The following TACR3 variants were observed in gnomAD, a reference collection of about 807,000 sequenced individuals.
The protein encoded by TACR3 is tachykinin receptor 3.
TACR3 carries 34 observed loss-of-function variants against 35.0 expected under a neutral mutation model. The observed-to-expected ratio is 0.97, with a 90% CI of 0.74 to 1.30. TACR3 has a LOEUF of 1.30. Among genes scored for constraint, TACR3 ranks in the 50% most tolerant of loss-of-function variants. The pLI is 0.00. For missense variants in TACR3, 558 were observed against 591.7 expected (o/e 0.94, Z 0.59); for synonymous variants, 233 against 221.1 (o/e 1.05, Z -0.48).
chr4:103,613,380 C>G (rs1724555058), intron 3 of TACR3, among the ~76,000 whole-genome samples: 1 of 152,140 alleles, frequency 6.6e-6, no homozygotes, highest in Admixed American at 6.5e-5. Context: ...TTAGGGAAAA[C>G]TGCCATCTTG....
intron 3 of TACR3, among the ~76,000 whole-genome samples, chr4:103,615,555 C>T (rs1211156074): frequency 6.6e-6 from 1 of 151,938 alleles, no homozygotes; most frequent in Non-Finnish European, 1.5e-5. Flanking sequence ...AGCATATTTC[C>T]ACAAAATAAC....
rs115791640 is a variant in TACR3, at chr4:103,603,490, C to T, written c.889-11807G>A. 7.5e-3 allele frequency among the ~76,000 whole-genome samples: 1,136 copies of T among 152,302 alleles called. 17 individuals carry two copies. The highest frequency in any genetic ancestry group is 0.026 in the African/African-American group (1,080 of 41,558). The stretch of plus-strand genomic sequence containing the variant: ...AATCACCCGTCTTCTGCGTTGCTCA[C>T]GCTGGGCGAACTTATCCTTTTTTAT... On this transcript the variant is annotated intron_variant, in intron 3 of 4. Coordinates refer to ENST00000304883, the MANE Select transcript of TACR3 (RefSeq NM_001059.3).
At chr4:103,668,175 TG>T (rs1214281802) in intron 1 of TACR3, among the ~76,000 whole-genome samples, 1 of 152,164 alleles carries the variant, frequency 6.6e-6, no homozygotes. Flanking sequence ...ACCTTGGATA[TG>T]TTGTAGGTCT....
At position 103,590,125 on chromosome 4, in the gene TACR3, T is replaced by A. The variant is rs1436400691; in HGVS notation, c.1086-131A>T. 3.8e-6 allele frequency: 4 copies of A among 1,047,272 alleles called. No homozygotes were observed. In the Admixed American group the frequency reaches 6.1e-5, roughly 16 times the overall value. 64.9% of individuals were successfully genotyped at this position (1,047,272 alleles called of 1,614,324 possible). A position where few individuals can be genotyped will look rare whatever the true frequency, so the allele number is the denominator to read the frequency against. ...TTGAGTTTGGTTTTTAGCCAGACTC[T>A]TAGAATTTATGTCACAGTACTGTTG... On this transcript the variant is annotated intron_variant, in intron 4 of 4. Coordinates refer to ENST00000304883, the MANE Select transcript of TACR3 (RefSeq NM_001059.3).
chr4:103,620,277 A>T (rs1724745953), intron 3 of TACR3, among the ~76,000 whole-genome samples: 2 of 152,242 alleles, frequency 1.3e-5, no homozygotes, highest in African/African-American at 2.4e-5. Flanking sequence ...AGAAAAGGGA[A>T]CACTGTTGGG....
chr4:103,627,319 A>C (rs1724917061), intron 3 of TACR3, among the ~76,000 whole-genome samples: 1 of 143,172 alleles, frequency 7.0e-6, no homozygotes, highest in Admixed American at 7.2e-5. Flanking sequence ...GTACGAGACC[A>C]GTCTGGCCAA....
intron 4 of TACR3, 102 bp from the exon 5 acceptor site, chr4:103,590,096 G>C (rs1269219301): frequency 6.3e-6 from 9 of 1,433,600 alleles, no homozygotes; most frequent in Non-Finnish European, 8.6e-6. Context: ...TAACAACTCA[G>C]TTTTTGAGTT....
At chr4:103,696,096 G>A (rs560956168) in intron 1 of TACR3, among the ~76,000 whole-genome samples, 6 of 151,862 alleles carry the variant, frequency 4.0e-5, no homozygotes, top group Non-Finnish European at 5.9e-5. Context: ...CTATATCAAC[G>A]AGCTAAATAG....
intron 3 of TACR3, among the ~76,000 whole-genome samples, chr4:103,652,258 A>C (rs1725637002): frequency 6.6e-6 from 1 of 152,166 alleles, no homozygotes; most frequent in Non-Finnish European, 1.5e-5. Context: ...GGGAGAACTC[A>C]ACTTCTGACC....
intron 1 of TACR3, among the ~76,000 whole-genome samples, chr4:103,697,233 GA>G (rs1722539997): frequency 1.3e-5 from 2 of 152,254 alleles, no homozygotes; most frequent in East Asian, 3.9e-4. Context: ...ATTGCTCATT[GA>G]TTATGATGTT....
At chr4:103,686,552 G>A (rs1722246193) in intron 1 of TACR3, among the ~76,000 whole-genome samples, 1 of 152,038 alleles carries the variant, frequency 6.6e-6, no homozygotes, top group African/African-American at 2.4e-5. Flanking sequence ...TAAACCCCAA[G>A]GTGGAGTGGA....
At chr4:103,625,172 TA>T (rs957008737) in intron 3 of TACR3, among the ~76,000 whole-genome samples, 2 of 152,078 alleles carry the variant, frequency 1.3e-5, no homozygotes, top group Non-Finnish European at 2.9e-5. Flanking sequence ...ATGAAAAAAT[TA>T]AAAAAGTTAT....
chr4:103,692,239 T>C (rs1430438325), intron 1 of TACR3, among the ~76,000 whole-genome samples: 1 of 152,182 alleles, frequency 6.6e-6, no homozygotes, highest in Non-Finnish European at 1.5e-5. Flanking sequence ...AGGTTTACCA[T>C]GTAAACACTA....
intron 1 of TACR3, among the ~76,000 whole-genome samples, chr4:103,714,682 A>T (rs1326719308): frequency 6.6e-6 from 1 of 152,180 alleles, no homozygotes; most frequent in Non-Finnish European, 1.5e-5. Flanking sequence ...CTGCATGGAA[A>T]GTGACTTTTC....
At chr4:103,701,846 T>C (rs1722658371) in intron 1 of TACR3, among the ~76,000 whole-genome samples, 1 of 152,134 alleles carries the variant, frequency 6.6e-6, no homozygotes. Flanking sequence ...TGGCTAGCCA[T>C]ATGTAGAAAG....
intron 3 of TACR3, among the ~76,000 whole-genome samples, chr4:103,605,216 C>T (rs1284349648): frequency 1.5e-5 from 2 of 137,720 alleles, no homozygotes; most frequent in Non-Finnish European, 3.1e-5. Context: ...GTTTCTTAAT[C>T]CAGTCTATCA....
chr4:103,679,166 T>C (rs1020124467), intron 1 of TACR3, among the ~76,000 whole-genome samples: 1 of 152,086 alleles, frequency 6.6e-6, no homozygotes, highest in African/African-American at 2.4e-5. Context: ...TTAAAGTTTT[T>C]AGTTCTGGAG....
chr4:103,660,619 G>A (rs1560825820), intron 1 of TACR3, among the ~76,000 whole-genome samples: 1 of 151,760 alleles, frequency 6.6e-6, no homozygotes, highest in African/African-American at 2.4e-5. Flanking sequence ...CTTGATTGTG[G>A]CGATATCATG....
At chr4:103,595,660 G>C (rs1723989811) in intron 3 of TACR3, among the ~76,000 whole-genome samples, 1 of 151,886 alleles carries the variant, frequency 6.6e-6, no homozygotes, top group Non-Finnish European at 1.5e-5. Context: ...AATTAGTTTA[G>C]GAAATTAACT....
Sources: gnomAD v4.1 joint callset for allele counts (sites outside exome capture counted in the v4.1 genomes callset) on GRCh38, gnomAD v4.1.1 for gene constraint, MANE v1.5 for transcripts, NCBI Gene and HGNC (gene_info 2026-07-23, HGNC 2026-07-21) for gene names.